Variants in L3MBTL4 observed in about 807,000 individuals in gnomAD.
L3MBTL4 encodes the protein lethal(3)malignant brain tumor-like protein 4.
A neutral mutation model predicts 84.5 loss-of-function variants in L3MBTL4; 70 were observed. The observed-to-expected ratio is 0.83, with a 90% CI of 0.68 to 1.01. The LOEUF is 1.01. Among genes scored for constraint, L3MBTL4 ranks in the 50% least tolerant of loss-of-function variants. The pLI is 0.00. For synonymous variants in L3MBTL4, 274 were observed against 259.8 expected (o/e 1.05, Z -0.52); for missense variants, 715 against 754.8 (o/e 0.95, Z 0.62).
intron 12 of L3MBTL4, among the ~76,000 whole-genome samples, chr18:6,203,956 C>T (rs1186749688): frequency 6.6e-6 from 1 of 152,202 alleles, no homozygotes; most frequent in Non-Finnish European, 1.5e-5. Context: ...TGAAATCTGC[C>T]TGAACACCTT....
intron 13 of L3MBTL4, among the ~76,000 whole-genome samples, chr18:6,162,483 A>G (rs1012342937): frequency 9.9e-5 from 15 of 152,234 alleles, no homozygotes; most frequent in Non-Finnish European, 1.9e-4. Context: ...TTATTCATAT[A>G]TGATAAAATA....
intron 14 of L3MBTL4, among the ~76,000 whole-genome samples, chr18:6,128,003 C>T (rs1054922887): frequency 1.7e-5 from 2 of 120,940 alleles, no homozygotes; most frequent in Non-Finnish European, 3.1e-5. Context: ...ACCAACCTAA[C>T]CAAAAACGAA....
intron 1 of L3MBTL4, among the ~76,000 whole-genome samples, chr18:6,357,312 T>C (rs1480057736): frequency 4.6e-5 from 7 of 152,220 alleles, no homozygotes; most frequent in Admixed American, 4.6e-4. Context: ...TCTGTGAAAT[T>C]CCTAAGTATT....
At chr18:6,204,484 AG>A (rs547719677) in intron 12 of L3MBTL4, among the ~76,000 whole-genome samples, 63 of 152,318 alleles carry the variant, frequency 4.1e-4, no homozygotes, top group African/African-American at 1.4e-3. Context: ...CACCTGACAA[AG>A]GGGCTTTCCA....
intron 13 of L3MBTL4, among the ~76,000 whole-genome samples, chr18:6,163,404 A>G (rs950594551): frequency 4.7e-4 from 72 of 151,990 alleles, no homozygotes; most frequent in African/African-American, 1.7e-3. Context: ...TTCAAAATCA[A>G]TAAAACATAA....
chr18:6,217,372 A>C (rs1029996234), intron 10 of L3MBTL4, among the ~76,000 whole-genome samples: 4 of 152,180 alleles, frequency 2.6e-5, no homozygotes, highest in Non-Finnish European at 5.9e-5. Context: ...ACGTAAATGC[A>C]ATCACACAGC....
rs1187610525 is a variant in L3MBTL4 at position 6,081,167 on chromosome 18, C to G, written c.1374-216G>C. The G allele has an allele frequency of 1.4e-5, 6 of 416,706 alleles. No individual in the cohort carries two copies. The East Asian group carries it at 2.4e-4, about 16-fold the overall frequency. 25.8% of individuals were successfully genotyped at this position (416,706 alleles called of 1,614,324 possible). ...ACTTTGAACCCTGAAATTTAAAAGG[C>G]CTTTCCCCCCTCATTCTATTACAGT... On this transcript the variant is annotated intron_variant, in intron 15 of 18. Transcript: ENST00000317931.
intron 4 of L3MBTL4, among the ~76,000 whole-genome samples, chr18:6,266,730 C>G (rs894390920): frequency 6.6e-6 from 1 of 152,106 alleles, no homozygotes; most frequent in African/African-American, 2.4e-5. Flanking sequence ...TCGAGACCAG[C>G]CTGGTCAACA....
At chr18:6,101,273 T>C (rs904923374) in intron 14 of L3MBTL4, among the ~76,000 whole-genome samples, 2 of 152,210 alleles carry the variant, frequency 1.3e-5, no homozygotes, top group Non-Finnish European at 2.9e-5. Context: ...ACTGTGCTGT[T>C]CCCTGGGTCT....
chr18:6,407,915 T>C (rs1047418733), intron 1 of L3MBTL4, among the ~76,000 whole-genome samples: 1 of 152,156 alleles, frequency 6.6e-6, no homozygotes, highest in Non-Finnish European at 1.5e-5. Flanking sequence ...ACAGTATGTA[T>C]AGTCCAGTCT....
chr18:6,216,236 A>G (rs1016601229), intron 10 of L3MBTL4, among the ~76,000 whole-genome samples: 2 of 152,206 alleles, frequency 1.3e-5, no homozygotes, highest in Non-Finnish European at 2.9e-5. Context: ...GACTCTGAAA[A>G]TCTTTCAAAT....
intron 17 of L3MBTL4, among the ~76,000 whole-genome samples, chr18:5,968,596 T>C (rs904546033): frequency 6.6e-6 from 1 of 151,430 alleles, no homozygotes; most frequent in East Asian, 1.9e-4. Context: ...ACTCAGGAGG[T>C]TGAAGTGGGA....
intron 13 of L3MBTL4, among the ~76,000 whole-genome samples, chr18:6,156,487 T>C (rs902858371): frequency 2.0e-5 from 3 of 148,708 alleles, no homozygotes; most frequent in Non-Finnish European, 4.4e-5. Context: ...TAGGGTGACG[T>C]AGGGCAGGGA....
At chr18:6,201,911 T>C (rs1323794242) in intron 12 of L3MBTL4, among the ~76,000 whole-genome samples, 1 of 152,208 alleles carries the variant, frequency 6.6e-6, no homozygotes, top group African/African-American at 2.4e-5. Context: ...TAAGATAGTG[T>C]TAAGTTAGGT....
At chr18:6,015,365 G>C (rs904838887) in intron 16 of L3MBTL4, among the ~76,000 whole-genome samples, 1 of 152,040 alleles carries the variant, frequency 6.6e-6, no homozygotes, top group Non-Finnish European at 1.5e-5. Flanking sequence ...GCAGAAGGTG[G>C]GGGTGGATGG....
chr18:6,177,796 C>G (rs543284629), intron 12 of L3MBTL4, among the ~76,000 whole-genome samples: 1 of 152,164 alleles, frequency 6.6e-6, no homozygotes, highest in Non-Finnish European at 1.5e-5. Context: ...CACTGGTGTT[C>G]CTTTTTGGAA....
At chr18:6,225,482 A>G (rs2046741512) in intron 10 of L3MBTL4, among the ~76,000 whole-genome samples, 2 of 152,330 alleles carry the variant, frequency 1.3e-5, no homozygotes, top group South Asian at 4.1e-4. Context: ...AAGGGTGGCC[A>G]GGCACAGTGG....
At chr18:6,178,623 C>G (rs1485899566) in intron 12 of L3MBTL4, among the ~76,000 whole-genome samples, 2 of 152,110 alleles carry the variant, frequency 1.3e-5, no homozygotes, top group African/African-American at 2.4e-5. Context: ...AACTAGAAAA[C>G]AAAGGTCAGA....
At chr18:5,965,399 G>A (rs1322385135) in intron 17 of L3MBTL4, among the ~76,000 whole-genome samples, 2 of 152,158 alleles carry the variant, frequency 1.3e-5, no homozygotes, top group Non-Finnish European at 2.9e-5. Context: ...CTGCAGACAC[G>A]CTGTTTTAAG....
Sources: gnomAD v4.1 joint callset for allele counts (sites outside exome capture counted in the v4.1 genomes callset) on GRCh38, gnomAD v4.1.1 for gene constraint, MANE v1.5 for transcripts, NCBI Gene and HGNC (gene_info 2026-07-23, HGNC 2026-07-21) for gene names.